The following SLC35F1 variants were observed in gnomAD, a reference collection of about 807,000 sequenced individuals.
The protein encoded by SLC35F1 is solute carrier family 35 member F1.
Under a neutral mutation model 48.7 loss-of-function variants are expected in SLC35F1, and 14 were observed. The ratio of observed to expected loss-of-function variants is 0.29; its 90% CI spans 0.19 to 0.45. The LOEUF (loss-of-function observed/expected upper bound fraction) is 0.45. SLC35F1 is among the 20% of genes least tolerant of loss of function. The pLI is 1.00. For missense variants in SLC35F1, 404 were observed against 500.0 expected (o/e 0.81, Z 1.83); for synonymous variants, 190 against 202.2 (o/e 0.94, Z 0.51).
At chr6:118,079,196 T>C (rs907880509) in intron 1 of SLC35F1, among the ~76,000 whole-genome samples, 1 of 152,164 alleles carries the variant, frequency 6.6e-6, no homozygotes, top group African/African-American at 2.4e-5. Flanking sequence ...GCAATAACTC[T>C]TCATTTTCCC....
chr6:118,258,585 G>A (rs944507086), intron 3 of SLC35F1, among the ~76,000 whole-genome samples: 1 of 152,136 alleles, frequency 6.6e-6, no homozygotes, highest in Admixed American at 6.5e-5. Flanking sequence ...AAAAACAGAT[G>A]AGAATAGCCA....
chr6:118,257,310 G>A (rs1398784542), intron 3 of SLC35F1, among the ~76,000 whole-genome samples: 1 of 151,846 alleles, frequency 6.6e-6, no homozygotes, highest in East Asian at 1.9e-4. Context: ...AAAGTTTTGA[G>A]GAAAAAAAAA....
At chr6:118,209,892 C>T (rs1774981209) in intron 2 of SLC35F1, among the ~76,000 whole-genome samples, 1 of 152,120 alleles carries the variant, frequency 6.6e-6, no homozygotes, top group Non-Finnish European at 1.5e-5. Flanking sequence ...TAATTCTATC[C>T]TCCAGGGCAA....
chr6:118,241,325 T>C (rs1775437753), intron 3 of SLC35F1, among the ~76,000 whole-genome samples: 1 of 152,214 alleles, frequency 6.6e-6, no homozygotes, highest in African/African-American at 2.4e-5. Flanking sequence ...CCTTGCTCTA[T>C]CCTCTTGCCC....
chr6:117,917,117 A>G (rs1775836895), intron 1 of SLC35F1, among the ~76,000 whole-genome samples: 1 of 152,148 alleles, frequency 6.6e-6, no homozygotes, highest in African/African-American at 2.4e-5. Context: ...TCTCTCTCTG[A>G]TGACACTGAA....
intron 2 of SLC35F1, among the ~76,000 whole-genome samples, chr6:118,157,048 T>A (rs2114473389): frequency 1.3e-5 from 2 of 152,352 alleles, no homozygotes; most frequent in East Asian, 3.9e-4. Flanking sequence ...AGCCACTATG[T>A]ATGTAAATTA....
intron 1 of SLC35F1, among the ~76,000 whole-genome samples, chr6:118,021,330 G>T (rs1777391098): frequency 6.6e-6 from 1 of 152,138 alleles, no homozygotes; most frequent in African/African-American, 2.4e-5. Context: ...GACAATTAGG[G>T]ATCAAGTAAA....
chr6:118,217,817 G>A (rs1446115975), intron 2 of SLC35F1, among the ~76,000 whole-genome samples: 1 of 152,086 alleles, frequency 6.6e-6, no homozygotes, highest in Non-Finnish European at 1.5e-5. Flanking sequence ...GTAGGATATT[G>A]CAAGATCAGC....
chr6:118,302,307 G>A (rs771356149), intron 7 of SLC35F1, among the ~76,000 whole-genome samples: 2 of 152,204 alleles, frequency 1.3e-5, no homozygotes, highest in Non-Finnish European at 2.9e-5. Flanking sequence ...GGAAGGAAAC[G>A]CATGGGAGAC....
At chr6:118,152,008 A>G (rs1774067185) in intron 1 of SLC35F1, among the ~76,000 whole-genome samples, 1 of 152,178 alleles carries the variant, frequency 6.6e-6, no homozygotes, top group Non-Finnish European at 1.5e-5. Flanking sequence ...ACAGTGAAGA[A>G]CATGGTACAG....
At chr6:118,032,805 T>G (rs1287456995) in intron 1 of SLC35F1, among the ~76,000 whole-genome samples, 1 of 152,218 alleles carries the variant, frequency 6.6e-6, no homozygotes, top group East Asian at 1.9e-4. Flanking sequence ...ATTTAATACC[T>G]TTCATGAGCC....
chr6:118,152,349 G>C (rs1774073636), intron 1 of SLC35F1, among the ~76,000 whole-genome samples: 1 of 152,208 alleles, frequency 6.6e-6, no homozygotes, highest in Admixed American at 6.5e-5. Flanking sequence ...GGAATGGAGG[G>C]AGAGCGTTTA....
intron 1 of SLC35F1, among the ~76,000 whole-genome samples, chr6:117,936,904 T>A (rs986086741): frequency 6.6e-6 from 1 of 152,322 alleles, no homozygotes; most frequent in East Asian, 1.9e-4. Context: ...ACTGTTTTAC[T>A]TACTGTATGA....
chr6:118,216,086 GT>G (rs869073333), intron 2 of SLC35F1, among the ~76,000 whole-genome samples: 4 of 109,848 alleles, frequency 3.6e-5, no homozygotes, highest in Admixed American at 1.1e-4. Flanking sequence ...TTTGTTTTTT[GT>G]TTTTTTTTTT....
At chr6:118,262,092 A>G (rs1447189139) in intron 3 of SLC35F1, among the ~76,000 whole-genome samples, 1 of 152,186 alleles carries the variant, frequency 6.6e-6, no homozygotes, top group Non-Finnish European at 1.5e-5. Context: ...AGACACTCAG[A>G]AAATGTTCCA....
At chr6:118,202,973 T>A in intron 2 of SLC35F1, among the ~76,000 whole-genome samples, 1 of 152,168 alleles carries the variant, frequency 6.6e-6, no homozygotes, top group East Asian at 1.9e-4. Context: ...TTATAACAAA[T>A]TGTGCATAAG....
At position 118,275,611 on chromosome 6, in the gene SLC35F1, C is replaced by A; in HGVS notation, c.790C>A (p.Gln264Lys). The A allele has an allele frequency of 6.2e-7, 1 of 1,613,192 alleles. No homozygotes were observed. The highest frequency in any genetic ancestry group is 8.5e-7 in the Non-Finnish European group (1 of 1,179,582). Residue 264 changes from glutamine (Q) to lysine (K), a missense_variant, in exon 5 of 8, where the codon CAA becomes AAA. Gln to Lys is a moderately conservative substitution (Grantham distance 53, BLOSUM62 1). Around this residue, in one of 2 missense-constraint regions of SLC35F1, gnomAD observed 306 missense variants for 419.1 expected, o/e 0.73. Transcript: ENST00000360388. ...CTTTGGAGCATTTTTCAGTGGAATT[C>A]AATTGTGAGTAAAAATAACAAGAAA... is the stretch of plus-strand genomic sequence containing the variant. ...GLFGAFFSGI[Q>K]LAIMEHKELL... is the part of the protein sequence containing the mutation.
intron 2 of SLC35F1, among the ~76,000 whole-genome samples, chr6:118,205,785 A>G (rs1774928104): frequency 6.6e-6 from 1 of 152,244 alleles, no homozygotes; most frequent in Non-Finnish European, 1.5e-5. Flanking sequence ...TTTACATATT[A>G]TGGAATATTA....
chr6:117,914,120 ATCTATCTATCTATCTATCTG>A (rs1420524436), intron 1 of SLC35F1, among the ~76,000 whole-genome samples: 12 of 151,754 alleles, frequency 7.9e-5, no homozygotes, highest in African/African-American at 2.9e-4. Context: ...CTATCTATCT[ATCTATCTATCTATCTATCTG>A]TCTATCCACA....
Sources: allele counts gnomAD v4.1 joint callset (sites outside exome capture counted in the v4.1 genomes callset), GRCh38; gene constraint gnomAD v4.1.1; regional missense constraint gnomAD v4.1.1; transcripts MANE v1.5; gene names NCBI Gene and HGNC (gene_info 2026-07-23, HGNC 2026-07-21).